Variants in TENM3 observed in about 807,000 individuals in gnomAD.
TENM3 encodes teneurin transmembrane protein 3.
A neutral mutation model predicts 255.1 loss-of-function variants in TENM3; 63 were observed. That is an observed-to-expected ratio of 0.25 (90% CI 0.20 to 0.30). The LOEUF (loss-of-function observed/expected upper bound fraction) is 0.30. TENM3 is among the 10% of genes least tolerant of loss of function. The pLI is 1.00. For synonymous variants in TENM3, 1,306 were observed against 1,322.3 expected, an observed-to-expected ratio of 0.99 and a Z score of 0.27; for missense variants, 2,929 against 3,461.1, an observed-to-expected ratio of 0.85 and a Z score of 3.86.
the TENM3 span, among the ~76,000 whole-genome samples, chr4:181,833,553 C>A: frequency 6.6e-5 from 10 of 152,300 alleles, no homozygotes; most frequent in African/African-American, 2.2e-4. Context: ...GCTACTCAGG[C>A]CATTCAAATA....
At chr4:182,384,774 T>G (rs1737952815) in intron 3 of TENM3, among the ~76,000 whole-genome samples, 1 of 152,110 alleles carries the variant, frequency 6.6e-6, no homozygotes. Flanking sequence ...TCAGACTCCT[T>G]TCATGAGTCT....
At chr4:182,495,891 G>T (rs538824267) in intron 3 of TENM3, among the ~76,000 whole-genome samples, 3 of 152,256 alleles carry the variant, frequency 2.0e-5, no homozygotes, top group Admixed American at 6.5e-5. Flanking sequence ...AAACTCAGGG[G>T]TTAGCTGCTT....
chr4:181,592,334 C>CTT, the TENM3 span, among the ~76,000 whole-genome samples: 25 of 137,302 alleles, frequency 1.8e-4, 1 homozygote, highest in Non-Finnish European at 3.1e-4. Flanking sequence ...CCATATGGCT[C>CTT]TTTTTTTTTT....
intron 4 of TENM3, among the ~76,000 whole-genome samples, chr4:182,616,539 A>AAT (rs1264176510): frequency 2.0e-5 from 3 of 147,264 alleles, no homozygotes. Flanking sequence ...AAAAAAAAAA[A>AAT]GGTCAGGAGA....
At chr4:181,753,360 A>AT in the TENM3 span, among the ~76,000 whole-genome samples, 2,444 of 152,238 alleles carry the variant, frequency 0.016, 66 homozygotes, top group African/African-American at 0.055. Context: ...TTGAATCCTT[A>AT]TCTCTTGGAT....
At chr4:182,487,366 TTAAC>T (rs1387845500) in intron 3 of TENM3, among the ~76,000 whole-genome samples, 1 of 152,216 alleles carries the variant, frequency 6.6e-6, no homozygotes, top group African/African-American at 2.4e-5. Flanking sequence ...TTAACTGTAT[TTAAC>T]TATCGCATAT....
At chr4:181,741,133 T>C in the TENM3 span, among the ~76,000 whole-genome samples, 22,275 of 152,220 alleles carry the variant, frequency 0.15, 1,871 homozygotes, top group African/African-American at 0.24. Context: ...TGTAATTTGG[T>C]GAAGCCCAGC....
the TENM3 span, among the ~76,000 whole-genome samples, chr4:182,056,396 G>A: frequency 6.6e-6 from 1 of 152,078 alleles, no homozygotes; most frequent in African/African-American, 2.4e-5. Flanking sequence ...TGCTGTTTTC[G>A]ATGGCAGGCA....
chr4:181,553,356 G>A, the TENM3 span, among the ~76,000 whole-genome samples: 10 of 151,198 alleles, frequency 6.6e-5, no homozygotes, highest in Non-Finnish European at 1.5e-4. Flanking sequence ...ACACACATAT[G>A]TGTAATATAG....
At chr4:181,889,871 A>T in the TENM3 span, among the ~76,000 whole-genome samples, 9 of 152,152 alleles carry the variant, frequency 5.9e-5, no homozygotes, top group African/African-American at 2.2e-4. Context: ...ATTAATTGGG[A>T]TCTTCCTTAT....
At chr4:182,713,076 T>C (rs1174503359) in intron 12 of TENM3, among the ~76,000 whole-genome samples, 1 of 152,218 alleles carries the variant, frequency 6.6e-6, no homozygotes, top group East Asian at 1.9e-4. Flanking sequence ...TTAAATGTCA[T>C]GTTAGACTGA....
intron 5 of TENM3, among the ~76,000 whole-genome samples, chr4:182,635,043 C>T (rs918787178): frequency 2.6e-5 from 4 of 152,168 alleles, no homozygotes; most frequent in East Asian, 1.9e-4. Context: ...CCGTTATAGA[C>T]CTTTAATTTC....
Position 182,161,893 on chromosome 4 carries a change from A to G in TENM3, c.-76+17139A>G, listed in dbSNP as rs924213955. Among the ~76,000 whole-genome samples the G allele has an allele frequency of 8.1e-4, 44 of 54,048 alleles. 11 individuals carry two copies. Among genetic ancestry groups the G allele is most frequent in the African/African-American group, 1.4e-3 (25 of 17,524 alleles). The allele number at this position is 54,048 out of a possible 152,430, so 35.5% of individuals were successfully genotyped here. A position where few individuals can be genotyped will look rare whatever the true frequency, so the allele number is the denominator to read the frequency against. On this transcript the variant is annotated intron_variant, in intron 1 of 2. Transcript: ENST00000512480. ...TATGTGTATATATATACACACATAT[A>G]TGTGTATATATACACACACATGTAT...
chr4:181,638,771 A>C, the TENM3 span, among the ~76,000 whole-genome samples: 1 of 152,174 alleles, frequency 6.6e-6, no homozygotes, highest in Non-Finnish European at 1.5e-5. Flanking sequence ...ATGTATAAAA[A>C]CTGCAAATAT....
At chr4:182,241,632 C>T (rs1289190749), upstream of TENM3, among the ~76,000 whole-genome samples, 3 of 151,160 alleles carry the variant, frequency 2.0e-5, no homozygotes, top group Admixed American at 2.0e-4. Context: ...GCCTCAGCCT[C>T]CTGAGTAGCT....
the TENM3 span, among the ~76,000 whole-genome samples, chr4:181,805,514 G>T: frequency 1.3e-5 from 2 of 152,074 alleles, no homozygotes; most frequent in Non-Finnish European, 2.9e-5. Context: ...CCGCAGACTA[G>T]CTCCTGTTCT....
At chr4:182,644,184 A>G (rs989996620) in intron 5 of TENM3, among the ~76,000 whole-genome samples, 5 of 152,142 alleles carry the variant, frequency 3.3e-5, no homozygotes, top group African/African-American at 1.2e-4. Context: ...GGTTCTGGCA[A>G]TTGCTGGACT....
At chr4:182,022,170 T>TA in the TENM3 span, among the ~76,000 whole-genome samples, 101 of 144,414 alleles carry the variant, frequency 7.0e-4, no homozygotes, top group East Asian at 1.4e-3. Context: ...GTGGATTGGA[T>TA]AAAAAAAAAA....
chr4:182,752,005 G>A lies in TENM3; in HGVS notation c.3835G>A (p.Val1279Met), dbSNP rs536807084. The change falls in exon 20 of 28, where the codon GTG becomes ATG. Residue 1279 changes from valine to methionine, a missense_variant. This residue lies in a region of TENM3 where 1,608 missense variants were observed against 1,884.4 expected (regional missense o/e 0.85). Transcript: ENST00000511685. The part of the protein sequence containing the change: ...EARCGDGGKA[V>M]EATLMSPKGM... ...GAGATGTGGGGATGGAGGGAAGGCC[G>A]TGGAAGCCACACTCATGAGTCCCAA... 1.2e-5 allele frequency: 19 copies of A among 1,611,118 alleles called. No homozygotes were observed. The highest frequency in any genetic ancestry group is 7.7e-5 in the South Asian group (7 of 90,878).
Sources: allele counts gnomAD v4.1 joint callset (sites outside exome capture counted in the v4.1 genomes callset), GRCh38; gene constraint gnomAD v4.1.1; regional missense constraint gnomAD v4.1.1; transcripts MANE v1.5; gene names NCBI Gene and HGNC (gene_info 2026-07-23, HGNC 2026-07-21).